The following MDH1B variants were observed in gnomAD, a reference collection of about 807,000 sequenced individuals.
The protein encoded by MDH1B is malate dehydrogenase 1B.
Under a neutral mutation model 61.4 loss-of-function variants are expected in MDH1B, and 60 were observed. The ratio of observed to expected loss-of-function variants is 0.98; its 90% CI spans 0.79 to 1.21. The LOEUF (loss-of-function observed/expected upper bound fraction) is 1.21. Among genes scored for constraint, MDH1B ranks in the 50% most tolerant of loss-of-function variants. The pLI is 0.00. For synonymous variants in MDH1B, 236 were observed against 218.7 expected, an observed-to-expected ratio of 1.08 and a Z score of -0.70; for missense variants, 587 against 632.1, an observed-to-expected ratio of 0.93 and a Z score of 0.76.
chr2:206,761,427 T>C (rs902762275), intron 1 of MDH1B, among the ~76,000 whole-genome samples: 4 of 152,074 alleles, frequency 2.6e-5, no homozygotes, highest in African/African-American at 9.7e-5. Context: ...ATTTGATGTG[T>C]GTCAGGAAGT....
intron 9 of MDH1B, among the ~76,000 whole-genome samples, chr2:206,744,148 T>G (rs955704505): frequency 1.3e-5 from 2 of 152,226 alleles, no homozygotes; most frequent in African/African-American, 4.8e-5. Flanking sequence ...GATATGTACT[T>G]TCCTGCTTCA....
chr2:206,739,703 G>A (rs6707178), intron 10 of MDH1B, 42 bp from the exon 11 acceptor site: 146,136 of 1,576,344 alleles, frequency 0.093, 7,241 homozygotes, highest in African/African-American at 0.17. Flanking sequence ...TATGTAAAGC[G>A]CAATAATTTT....
In MDH1B at chr2:206,746,903, C is replaced by T. The variant is rs143402926; in HGVS notation, c.1217-477G>A. Among the ~76,000 whole-genome samples the T allele has an allele frequency of 1.7e-4, 26 of 152,230 alleles. No homozygotes were observed. In the East Asian group the frequency reaches 4.6e-3, roughly 27 times the overall value. ...CCAGTTTGCCATGTGTTTTGGTGTG[C>T]GTTTGCTTCATGGGGGATGATTTCC... On this transcript the variant is annotated intron_variant, in intron 7 of 11. Transcript: ENST00000374412.
rs753688612 is a variant in MDH1B at position 206,749,135 on chromosome 2, G to A, written c.1101C>T (p.Thr367=). Residue 367 remains threonine (T), a synonymous_variant, in exon 7 of 12, where the codon ACC becomes ACT. Transcript: ENST00000374412. ...EFVAILKNLT[T]TGRQFGGILA... is the part of the protein sequence containing the mutation. ...AAATGCCTCCAAATTGTCTTCCTGT[G>A]GTGGTCAAGTTTTTAAGAATTGCCA... 2 of 1,614,004 alleles carry A rather than the reference G, an allele frequency of 1.2e-6. No homozygotes were observed. Among genetic ancestry groups the A allele is most frequent in the South Asian group, 2.2e-5 (2 of 91,074 alleles).
intron 9 of MDH1B, 192 bp downstream of exon 9, chr2:206,745,430 T>A: frequency 1.5e-6 from 1 of 662,096 alleles, no homozygotes; most frequent in South Asian, 1.6e-5. Flanking sequence ...TCATAAGTTG[T>A]GTTTTCTTTA....
chr2:206,756,679 G>T, intron 4 of MDH1B: 68 of 497,296 alleles, frequency 1.4e-4, no homozygotes, highest in East Asian at 1.8e-4. Flanking sequence ...GACTGTGTTT[G>T]TGTCTATAAA....
At chr2:206,756,669 G>T in intron 4 of MDH1B, 1 of 497,278 alleles carries the variant, frequency 2.0e-6, no homozygotes, top group Non-Finnish European at 3.5e-6. Flanking sequence ...TAGACCAAGT[G>T]ACTGTGTTTG....
intron 9 of MDH1B, among the ~76,000 whole-genome samples, chr2:206,742,019 C>A (rs1186489071): frequency 2.0e-5 from 3 of 149,834 alleles, no homozygotes; most frequent in African/African-American, 7.5e-5. Context: ...TACATAATAC[C>A]TTTGACCATA....
At chr2:206,756,662 A>T in intron 4 of MDH1B, 1 of 487,296 alleles carries the variant, frequency 2.1e-6, no homozygotes, top group Non-Finnish European at 3.6e-6. Flanking sequence ...TTGTTTTTAG[A>T]CCAAGTGACT....
rs999497164 is a variant in MDH1B at position 206,737,912 on chromosome 2, A to C, written c.*571T>G. On this transcript the variant is annotated 3_prime_UTR_variant, in exon 12 of 12. Coordinates refer to ENST00000374412, the MANE Select transcript of MDH1B (RefSeq NM_001039845.3). ...AAATGGTACAGAGGCAGGTCTTATG[A>C]AGGTGGTGAACCCAACCAGCTCTGA... 2 of 152,320 alleles carry C rather than the reference A, an allele frequency of 1.3e-5. No homozygotes were observed. Among genetic ancestry groups the C allele is most frequent in the Non-Finnish European group, 2.9e-5 (2 of 68,106 alleles). 9.4% of individuals were successfully genotyped at this position (152,320 alleles called of 1,614,324 possible). A position where few individuals can be genotyped will look rare whatever the true frequency, so the allele number is the denominator to read the frequency against.
At chr2:206,758,809 A>G (rs527681501) in intron 2 of MDH1B, among the ~76,000 whole-genome samples, 45 of 152,006 alleles carry the variant, frequency 3.0e-4, no homozygotes, top group African/African-American at 1.0e-3. Context: ...ACGTGGTACT[A>G]TGGAAGGCTA....
intron 7 of MDH1B, 143 bp downstream of exon 7, chr2:206,748,877 T>C (rs1688272828): frequency 6.4e-6 from 4 of 629,702 alleles, no homozygotes; most frequent in Non-Finnish European, 1.1e-5. Context: ...AGTAATTGAA[T>C]GAATGAATGA....
intron 2 of MDH1B, among the ~76,000 whole-genome samples, chr2:206,759,772 A>G (rs2105952815): frequency 6.6e-6 from 1 of 152,338 alleles, no homozygotes; most frequent in Non-Finnish European, 1.5e-5. Context: ...GGCAATTGAG[A>G]TGATAAAATC....
intron 9 of MDH1B, among the ~76,000 whole-genome samples, chr2:206,743,827 G>A (rs948873069): frequency 2.0e-5 from 3 of 152,004 alleles, no homozygotes; most frequent in African/African-American, 7.2e-5. Context: ...TGTTCAGCCA[G>A]AAGAACCCTG....
intron 4 of MDH1B, 142 bp downstream of exon 4, chr2:206,756,756 T>G: frequency 2.7e-6 from 2 of 736,294 alleles, no homozygotes; most frequent in East Asian, 5.3e-5. Context: ...CATATGTATA[T>G]GTGTATACAT....
At chr2:206,753,430 G>A (rs1352792127) in intron 5 of MDH1B, among the ~76,000 whole-genome samples, 1 of 152,088 alleles carries the variant, frequency 6.6e-6, no homozygotes, top group Non-Finnish European at 1.5e-5. Context: ...TTACAGGTGT[G>A]AGCCATGGTA....
chr2:206,755,337 A>G lies in MDH1B; in HGVS notation c.582T>C (p.Ser194=), dbSNP rs571497146. ...CCTCCACCTTCGTGCAGATGGAGAC[A>G]CTGCGCAGGACGGGAGATGCCAGGT... ...TQDLASPVLR[S]VSICTKVEEA... The change falls in exon 5 of 12, where the codon AGT becomes AGC. Residue 194 remains serine, a synonymous_variant. Transcript: ENST00000374412. The G allele has an allele frequency of 1.9e-6, 3 of 1,614,230 alleles. No homozygotes were observed. The highest frequency in any genetic ancestry group is 2.2e-5 in the East Asian group (1 of 44,882).
intron 2 of MDH1B, among the ~76,000 whole-genome samples, chr2:206,758,380 A>G (rs776766328): frequency 6.6e-6 from 1 of 152,214 alleles, no homozygotes; most frequent in South Asian, 2.1e-4. Context: ...CAGGGACAAC[A>G]TGTTGCCAGA....
rs1482179256 is a variant in MDH1B, at chr2:206,738,514, G to A, written c.1529-3C>T. 1.0e-5 allele frequency: 16 copies of A among 1,575,478 alleles called. No homozygotes were observed. The highest frequency in any genetic ancestry group is 8.7e-5 in the Admixed American group (5 of 57,296). ...TTCCACGGTTTTGCCTTCAAATTCT[G>A]TAAAAGGAAAAGAATGAAAAGACAT... On this transcript the variant is annotated splice_region_variant and splice_polypyrimidine_tract_variant and intron_variant, in intron 11 of 11. Transcript: ENST00000374412.
Sources: gnomAD v4.1 joint callset for allele counts (sites outside exome capture counted in the v4.1 genomes callset) on GRCh38, gnomAD v4.1.1 for gene constraint, MANE v1.5 for transcripts, NCBI Gene and HGNC (gene_info 2026-07-23, HGNC 2026-07-21) for gene names.